KSR2: variants seen among roughly 807,000 people sequenced by gnomAD.
KSR2 encodes kinase suppressor of ras 2.
Under a neutral mutation model 107.8 loss-of-function variants are expected in KSR2, and 25 were observed. The observed-to-expected ratio is 0.23, with a 90% CI of 0.17 to 0.32. KSR2 has a LOEUF of 0.32. Ranked by LOEUF, KSR2 falls within the 10% of genes least tolerant of loss-of-function variation. The probability of loss-of-function intolerance (pLI) is 1.00; values close to 1 mark genes in which losing one functional copy is unlikely to be tolerated. For missense variants in KSR2, 887 were observed against 1,268.9 expected (o/e 0.70, Z 4.57); for synonymous variants, 480 against 507.0 (o/e 0.95, Z 0.71).
At chr12:117,857,805 C>G (rs180909959) in intron 2 of KSR2, among the ~76,000 whole-genome samples, 1 of 152,212 alleles carries the variant, frequency 6.6e-6, no homozygotes, top group Admixed American at 6.5e-5. Flanking sequence ...AGGATTCAAA[C>G]CCAGCTGTTT....
intron 14 of KSR2, among the ~76,000 whole-genome samples, chr12:117,487,726 C>A (rs550103333): frequency 9.2e-5 from 14 of 152,280 alleles, no homozygotes; most frequent in Admixed American, 9.1e-4. Context: ...CTCTCCTGCT[C>A]AGGGTAACTG....
chr12:117,753,950 G>A (rs2136837552), intron 4 of KSR2, among the ~76,000 whole-genome samples: 1 of 9,712 alleles, frequency 1.0e-4, no homozygotes, highest in South Asian at 3.3e-3. Flanking sequence ...TATAGAGCGT[G>A]TGTGTGTGTG....
At chr12:117,541,337 G>C (rs1183357003) in intron 9 of KSR2, among the ~76,000 whole-genome samples, 1 of 151,792 alleles carries the variant, frequency 6.6e-6, no homozygotes, top group Non-Finnish European at 1.5e-5. Context: ...GGGAGGGAGG[G>C]AGGCAGGCAG....
chr12:117,743,368 T>C (rs1195878592), intron 4 of KSR2, among the ~76,000 whole-genome samples: 3 of 152,238 alleles, frequency 2.0e-5, no homozygotes, highest in Non-Finnish European at 1.5e-5. Context: ...CCTTGCTTAA[T>C]GTGCTCCTGG....
intron 16 of KSR2, among the ~76,000 whole-genome samples, chr12:117,481,072 GA>G (rs76762114): frequency 4.0e-5 from 6 of 150,414 alleles, no homozygotes; most frequent in East Asian, 2.0e-4. Context: ...TCGAAAAAAA[GA>G]AAAAAAAAGA....
chr12:117,960,327 G>A (rs1211658537), intron 1 of KSR2, among the ~76,000 whole-genome samples: 4 of 152,092 alleles, frequency 2.6e-5, no homozygotes, highest in African/African-American at 4.8e-5. Context: ...CACACCTCCT[G>A]GAATCCATAG....
intron 4 of KSR2, among the ~76,000 whole-genome samples, chr12:117,672,162 G>T (rs780141689): frequency 6.6e-6 from 1 of 152,070 alleles, no homozygotes; most frequent in African/African-American, 2.4e-5. Flanking sequence ...TGGGGGGAGG[G>T]GTGCCATTTC....
At chr12:117,521,425 T>C (rs1565881975) in intron 14 of KSR2, among the ~76,000 whole-genome samples, 1 of 152,184 alleles carries the variant, frequency 6.6e-6, no homozygotes, top group African/African-American at 2.4e-5. Context: ...CTCAACTCTA[T>C]TGGCTTTCAG....
intron 14 of KSR2, among the ~76,000 whole-genome samples, chr12:117,500,989 G>C (rs1338843279): frequency 6.6e-6 from 1 of 152,260 alleles, no homozygotes; most frequent in Non-Finnish European, 1.5e-5. Flanking sequence ...AGATACTGAG[G>C]CTTGGTAGAA....
At chr12:117,636,674 C>T (rs1182474207) in intron 5 of KSR2, among the ~76,000 whole-genome samples, 2 of 152,140 alleles carry the variant, frequency 1.3e-5, no homozygotes, top group Non-Finnish European at 2.9e-5. Flanking sequence ...TGATTAAGAG[C>T]TTAAATGTGA....
intron 5 of KSR2, among the ~76,000 whole-genome samples, chr12:117,666,336 T>A (rs1884658280): frequency 6.6e-6 from 1 of 152,216 alleles, no homozygotes; most frequent in African/African-American, 2.4e-5. Context: ...CTTGTCAAAT[T>A]CTCAAAGTGT....
chr12:117,829,274 T>G (rs1319859313), intron 3 of KSR2, among the ~76,000 whole-genome samples: 1 of 152,210 alleles, frequency 6.6e-6, no homozygotes, highest in Non-Finnish European at 1.5e-5. Flanking sequence ...TGAGCAGACA[T>G]GTTCCCCCAA....
intron 1 of KSR2, among the ~76,000 whole-genome samples, chr12:117,952,155 TCACACACA>T (rs112314585): frequency 4.1e-5 from 6 of 147,310 alleles, no homozygotes; most frequent in East Asian, 2.0e-4. Context: ...AATGTTCTCA[TCACACACA>T]CACACACACA....
intron 5 of KSR2, among the ~76,000 whole-genome samples, chr12:117,628,852 C>T (rs959505742): frequency 6.6e-6 from 1 of 152,256 alleles, no homozygotes; most frequent in African/African-American, 2.4e-5. Context: ...CTGCTGTGGG[C>T]TCCGCCCAGT....
chr12:117,610,995 T>A (rs1881564725), intron 5 of KSR2, among the ~76,000 whole-genome samples: 1 of 152,194 alleles, frequency 6.6e-6, no homozygotes, highest in Admixed American at 6.5e-5. Flanking sequence ...TTAAAATATG[T>A]CTGGTTTTAA....
chr12:117,645,505 A>G (rs1362687985), intron 5 of KSR2, among the ~76,000 whole-genome samples: 5 of 152,216 alleles, frequency 3.3e-5, no homozygotes, highest in Non-Finnish European at 4.4e-5. Flanking sequence ...TAAGTAAGAA[A>G]TCATCTCCTC....
rs1870540115 is a variant in KSR2 at position 117,455,061 on chromosome 12, A to AGAGAGAGAGAGG, written c.*12126_*12137dup. 3 of 151,474 alleles carry AGAGAGAGAGAGG rather than the reference A, an allele frequency of 2.0e-5. No individual in the cohort carries two copies. The highest frequency in any genetic ancestry group is 6.6e-5 in the Admixed American group (1 of 15,190). 9.4% of individuals were successfully genotyped at this position (151,474 alleles called of 1,614,324 possible). Reference sequence around the variant, plus strand: ...GAGAGAGAGAGAGAGAGAGAGAGAGAGAGAGAGAGAGGTCTGTAGAGCCAG... The same window carrying AGAGAGAGAGAGG: ...GAGAGAGAGAGAGAGAGAGAGAGAGAGAGAGAGAGAGGGAGAGAGAGAGGTCTGTAGAGCCAG... On this transcript the variant is annotated 3_prime_UTR_variant, in exon 20 of 20. Coordinates refer to ENST00000339824, the MANE Select transcript of KSR2 (RefSeq NM_173598.6).
chr12:117,769,277 T>G (rs1458844429), intron 3 of KSR2, among the ~76,000 whole-genome samples: 1 of 151,946 alleles, frequency 6.6e-6, no homozygotes, highest in Non-Finnish European at 1.5e-5. Context: ...CTACTGTTCC[T>G]CTCCCATCTG....
chr12:117,874,211 T>C (rs970823152), intron 1 of KSR2, among the ~76,000 whole-genome samples: 1 of 152,120 alleles, frequency 6.6e-6, no homozygotes, highest in Non-Finnish European at 1.5e-5. Context: ...ATCATGACAA[T>C]GCTGAAGTGA....
Sources: gnomAD v4.1 joint callset for allele counts (sites outside exome capture counted in the v4.1 genomes callset) on GRCh38, gnomAD v4.1.1 for gene constraint, MANE v1.5 for transcripts, NCBI Gene and HGNC (gene_info 2026-07-23, HGNC 2026-07-21) for gene names.